The following ISY1 variants were observed in gnomAD, a reference collection of about 807,000 sequenced individuals.
ISY1 encodes pre-mRNA-splicing factor ISY1 homolog.
Under a neutral mutation model 54.4 loss-of-function variants are expected in ISY1, and 12 were observed. The ratio of observed to expected loss-of-function variants is 0.22; its 90% CI spans 0.14 to 0.36. The LOEUF is 0.36. ISY1 is among the 10% of genes least tolerant of loss of function. The pLI, the probability that ISY1 is intolerant of heterozygous loss-of-function variation, is 1.00. For synonymous variants in ISY1, 96 were observed against 117.9 expected (o/e 0.81, Z 1.20); for missense variants, 282 against 342.2 (o/e 0.82, Z 1.39).
At position 129,156,635 on chromosome 3, in the gene ISY1, T is replaced by C; in HGVS notation, c.185A>G (p.Asn62Ser). 1 of 1,611,838 alleles carries C rather than the reference T, an allele frequency of 6.2e-7. No individual in the cohort carries two copies. Among genetic ancestry groups the C allele is most frequent in the Non-Finnish European group, 8.5e-7 (1 of 1,179,122 alleles). ...EISKKVAQIQNAGLGEFRIRD... is the reference protein window; with the variant it reads ...EISKKVAQIQSAGLGEFRIRD... ...TTTAAAGGAACAAGTTTGCTTACCA[T>C]TCTGAATCTGAGCCACTTTTTTAGA... The change falls in exon 5 of 11, where the codon AAT becomes AGT. Residue 62 changes from asparagine (N) to serine (S), a missense_variant and splice_region_variant. Asn to Ser is a conservative substitution (Grantham distance 46, BLOSUM62 1). Around this residue, in one of 2 missense-constraint regions of ISY1, gnomAD observed 279 missense variants for 323.6 expected, o/e 0.86. Coordinates refer to ENST00000393295, the MANE Select transcript of ISY1 (RefSeq NM_020701.4).
At position 129,144,410 on chromosome 3, in the gene ISY1, T is replaced by A. The variant is rs1023669998; in HGVS notation, c.300+1351A>T. Among the ~76,000 whole-genome samples, 39 of 152,194 alleles carry A rather than the reference T, an allele frequency of 2.6e-4. 1 individual carries two copies. The highest frequency in any genetic ancestry group is 1.3e-4 in the Admixed American group (2 of 15,274). ...GTATGTACTAGGGTAAGAATTATGG[T>A]TATGTGTTAGACTTTCACAAGGTGA... On this transcript the variant is annotated intron_variant, in intron 6 of 10. Coordinates refer to ENST00000393295, the MANE Select transcript of ISY1 (RefSeq NM_020701.4).
At chr3:129,138,373 C>T (rs191922516) in intron 7 of ISY1, among the ~76,000 whole-genome samples, 35 of 151,870 alleles carry the variant, frequency 2.3e-4, no homozygotes, top group South Asian at 2.1e-4. Context: ...CGGTGGCTCA[C>T]GCCTGTAATC....
At chr3:129,153,943 AAAAAATTAC>A (rs1937051206) in intron 5 of ISY1, among the ~76,000 whole-genome samples, 1 of 152,012 alleles carries the variant, frequency 6.6e-6, no homozygotes, top group African/African-American at 2.4e-5. Context: ...TGTCTCTACT[AAAAAATTAC>A]AAAAATTTGG....
intron 1 of ISY1, 140 bp downstream of exon 1, chr3:129,160,833 A>G: frequency 1.8e-6 from 2 of 1,083,552 alleles, no homozygotes; most frequent in Non-Finnish European, 2.7e-6. Context: ...CAGGAAGAGA[A>G]TCCCCTCGTT....
At chr3:129,137,746 T>G (rs1359220229) in intron 7 of ISY1, among the ~76,000 whole-genome samples, 1 of 149,702 alleles carries the variant, frequency 6.7e-6, no homozygotes, top group East Asian at 2.0e-4. Flanking sequence ...CCGTCTCTAC[T>G]AAAAAAATAC....
intron 1 of ISY1, among the ~76,000 whole-genome samples, chr3:129,159,886 C>G (rs4927936): frequency 2.0e-5 from 3 of 152,122 alleles, no homozygotes; most frequent in African/African-American, 7.2e-5. Context: ...TTTATAGACA[C>G]TCAGCAAAAT....
Position 129,130,581 on chromosome 3 carries a change from A to G in ISY1, c.719T>C (p.Ile240Thr). The change falls in exon 10 of 11, where the codon ATT becomes ACT. Residue 240 changes from isoleucine (I) to threonine (T), a missense_variant. By Grantham distance (89) the Ile-to-Thr change is moderately conservative. This residue lies in a region of ISY1 where 279 missense variants were observed against 323.6 expected (regional missense o/e 0.86). Transcript: ENST00000393295. The part of the protein sequence containing the change: ...KGGDDSQQKF[I>T]AHVPVPSQQE... Reference sequence around the variant, plus strand: ...CTGCGAGGGAACAGGGACGTGAGCAATGAACTTCTGCTGGCTGTCGTCCCC... The same window carrying G: ...CTGCGAGGGAACAGGGACGTGAGCAGTGAACTTCTGCTGGCTGTCGTCCCC... 2 of 1,614,150 alleles carry G rather than the reference A, an allele frequency of 1.2e-6. No individual in the cohort carries two copies. The highest frequency in any genetic ancestry group is 1.7e-6 in the Non-Finnish European group (2 of 1,179,996).
intron 3 of ISY1, 49 bp downstream of exon 3, chr3:129,158,459 T>C (rs1190935795): frequency 6.2e-7 from 1 of 1,609,442 alleles, no homozygotes; most frequent in African/African-American, 1.3e-5. Flanking sequence ...GCACCCAGCC[T>C]GCATTTATTC....
rs141750882 is a variant in ISY1 at position 129,143,647 on chromosome 3, T to C, written c.300+2114A>G. Among the ~76,000 whole-genome samples the C allele has an allele frequency of 6.5e-3, 981 of 151,392 alleles. 6 individuals carry two copies. Among genetic ancestry groups the C allele is most frequent in the Middle Eastern group, 0.01 (3 of 290 alleles). ...AATATTAATGAATTTCTATAATGTATATACTAATATGTATTTTTTATATCT... is the reference window on the plus strand; with the variant it reads ...AATATTAATGAATTTCTATAATGTACATACTAATATGTATTTTTTATATCT... On this transcript the variant is annotated intron_variant, in intron 6 of 10. Coordinates refer to ENST00000393295, the MANE Select transcript of ISY1 (RefSeq NM_020701.4).
intron 7 of ISY1, among the ~76,000 whole-genome samples, chr3:129,139,151 G>A (rs953180561): frequency 1.3e-5 from 2 of 151,904 alleles, no homozygotes; most frequent in African/African-American, 4.8e-5. Context: ...TGGCCAGGCT[G>A]GTCTCGAACT....
intron 5 of ISY1, among the ~76,000 whole-genome samples, chr3:129,154,805 C>T (rs1937087449): frequency 6.6e-6 from 1 of 151,562 alleles, no homozygotes. Flanking sequence ...TCTCCTGCCT[C>T]AGCCTCCCAA....
At chr3:129,141,530 G>A (rs1002508492) in intron 6 of ISY1, among the ~76,000 whole-genome samples, 14 of 151,722 alleles carry the variant, frequency 9.2e-5, no homozygotes, top group Admixed American at 7.2e-4. Context: ...CGAGGTGGGC[G>A]GATCACGAGG....
chr3:129,133,227 T>C (rs1392044687), intron 9 of ISY1, among the ~76,000 whole-genome samples: 1 of 152,212 alleles, frequency 6.6e-6, no homozygotes, highest in Non-Finnish European at 1.5e-5. Flanking sequence ...ATTACTTACA[T>C]GGTGGCTATA....
In ISY1 at chr3:129,134,913, C is replaced by T. The variant is rs1296384410; in HGVS notation, c.460G>A (p.Ala154Thr). Reference sequence around the variant, plus strand: ...TAACCATAGTACTCAAAATCGATTGCCTTCATGAGCTCAGCACGTGTCTTT... The same window carrying T: ...TAACCATAGTACTCAAAATCGATTGTCTTCATGAGCTCAGCACGTGTCTTT... ...PRKTRAELMK[A>T]IDFEYYGYLD... Residue 154 changes from alanine (A) to threonine (T), a missense_variant, in exon 8 of 11, where the codon GCA becomes ACA. Ala to Thr is a moderately conservative substitution (Grantham distance 58). Coordinates refer to ENST00000393295, the MANE Select transcript of ISY1 (RefSeq NM_020701.4). The T allele has an allele frequency of 6.2e-7, 1 of 1,611,202 alleles. No individual in the cohort carries two copies. Among genetic ancestry groups the T allele is most frequent in the Non-Finnish European group, 8.5e-7 (1 of 1,178,026 alleles).
chr3:129,142,158 T>C (rs1936637813), intron 6 of ISY1, among the ~76,000 whole-genome samples: 1 of 146,144 alleles, frequency 6.8e-6, no homozygotes, highest in Non-Finnish European at 1.5e-5. Context: ...TGAGCTGAGA[T>C]CGCACGCCAC....
chr3:129,140,945 C>T (rs1449343402), intron 6 of ISY1, among the ~76,000 whole-genome samples: 1 of 151,794 alleles, frequency 6.6e-6, no homozygotes, highest in Non-Finnish European at 1.5e-5. Flanking sequence ...TGGCTCACAC[C>T]TGTAATCCTA....
rs914855462 is a variant in ISY1, at chr3:129,129,880, C to T, written c.*201G>A. On this transcript the variant is annotated 3_prime_UTR_variant, in exon 11 of 11. Transcript: ENST00000393295. ...TCCACAATAAAAATAAATGGATCCA[C>T]ACAGTAGCAAAATATGTGTACAAAA... The T allele has an allele frequency of 6.8e-6, 3 of 442,662 alleles. No individual in the cohort carries two copies. The highest frequency in any genetic ancestry group is 6.0e-5 in the African/African-American group (3 of 49,716). 27.4% of individuals were successfully genotyped at this position (442,662 alleles called of 1,614,324 possible). A position where few individuals can be genotyped will look rare whatever the true frequency, so the allele number is the denominator to read the frequency against.
chr3:129,161,033 G>A lies in ISY1; in HGVS notation c.-58C>T. 11 of 1,527,064 alleles carry A rather than the reference G, an allele frequency of 7.2e-6. No individual in the cohort carries two copies. The highest frequency in any genetic ancestry group is 4.1e-5 in the Admixed American group (2 of 48,806). The allele number at this position is 1,527,064 out of a possible 1,614,324, so 94.6% of individuals were successfully genotyped here. A position where few individuals can be genotyped will look rare whatever the true frequency, so the allele number is the denominator to read the frequency against. On this transcript the variant is annotated 5_prime_UTR_variant, in exon 1 of 11. Transcript: ENST00000393295. ...CGGCCCCTGTCCAAGAAACTCCACA[G>A]GCCCAGAAGACGCCGACGCTCACAG...
chr3:129,134,681 G>C, intron 8 of ISY1, 151 bp downstream of exon 8: 1 of 1,145,286 alleles, frequency 8.7e-7, no homozygotes, highest in Admixed American at 3.0e-5. Context: ...CCTCACAGGG[G>C]TCAGGGAATT....
Sources: allele counts gnomAD v4.1 joint callset (sites outside exome capture counted in the v4.1 genomes callset), GRCh38; gene constraint gnomAD v4.1.1; regional missense constraint gnomAD v4.1.1; transcripts MANE v1.5; gene names NCBI Gene and HGNC (gene_info 2026-07-23, HGNC 2026-07-21).